Variants in IQSEC1 observed in about 807,000 individuals in gnomAD.
IQSEC1 encodes IQ motif and Sec7 domain ArfGEF 1.
In IQSEC1, 31 loss-of-function variants were observed where a neutral mutation model predicts 91.0. The observed-to-expected ratio is 0.34, with a 90% CI of 0.26 to 0.46. The LOEUF is 0.46. IQSEC1 is among the 20% of genes least tolerant of loss of function. IQSEC1 has a pLI of 1.00. For missense variants in IQSEC1, 1,388 were observed against 1,575.6 expected (o/e 0.88, Z 2.02); for synonymous variants, 699 against 662.6 (o/e 1.05, Z -0.84).
In IQSEC1 at chr3:13,205,916, A is replaced by T. The variant is rs375724300; in HGVS notation, c.273-41783T>A. Reference sequence around the variant, plus strand: ...TCCCCCATCCCCCATCCATCCAGCCATCCATCCCTCAATCCACTTATCCAT... The same window carrying T: ...TCCCCCATCCCCCATCCATCCAGCCTTCCATCCCTCAATCCACTTATCCAT... On this transcript the variant is annotated intron_variant, in intron 1 of 15. Coordinates refer to the IQSEC1 transcript ENST00000648114. Among the ~76,000 whole-genome samples the T allele has an allele frequency of 4.0e-4, 29 of 72,788 alleles. 2 individuals carry two copies. The highest frequency in any genetic ancestry group is 2.1e-3 in the Admixed American group (12 of 5,714). 47.8% of individuals were successfully genotyped at this position (72,788 alleles called of 152,430 possible). A position where few individuals can be genotyped will look rare whatever the true frequency, so the allele number is the denominator to read the frequency against.
At chr3:13,258,502 T>G (rs1695329068) in intron 1 of IQSEC1, among the ~76,000 whole-genome samples, 1 of 151,998 alleles carries the variant, frequency 6.6e-6, no homozygotes. Context: ...GGCAACATAG[T>G]GAGATCCCAT....
intron 1 of IQSEC1, among the ~76,000 whole-genome samples, chr3:13,041,355 C>T (rs1445855374): frequency 3.3e-5 from 5 of 152,176 alleles, no homozygotes; most frequent in Non-Finnish European, 5.9e-5. Context: ...CAGGGACTTC[C>T]TTTCTACAGC....
intron 2 of IQSEC1, among the ~76,000 whole-genome samples, chr3:13,158,899 T>C (rs1707124369): frequency 6.6e-6 from 1 of 151,778 alleles, no homozygotes; most frequent in Non-Finnish European, 1.5e-5. Context: ...GAGGCGGAGG[T>C]TGCAGTGAGC....
At chr3:12,930,918 C>G (rs1697615706) in intron 3 of IQSEC1, among the ~76,000 whole-genome samples, 1 of 152,132 alleles carries the variant, frequency 6.6e-6, no homozygotes, top group African/African-American at 2.4e-5. Flanking sequence ...TGAAAATGCC[C>G]TTCCAATGCA....
At chr3:12,929,568 G>A (rs11925113) in intron 3 of IQSEC1, among the ~76,000 whole-genome samples, 1,790 of 152,280 alleles carry the variant, frequency 0.012, 36 homozygotes, top group African/African-American at 0.041. Context: ...TATAATCCAC[G>A]CTTCTGCCCC....
At chr3:12,919,564 ATAAAC>A (rs1461042014) in intron 6 of IQSEC1, among the ~76,000 whole-genome samples, 1 of 152,238 alleles carries the variant, frequency 6.6e-6, no homozygotes, top group African/African-American at 2.4e-5. Flanking sequence ...CCGCTGTTGA[ATAAAC>A]TAAGAATGAA....
At chr3:12,943,327 G>T (rs968160006) in intron 1 of IQSEC1, among the ~76,000 whole-genome samples, 1 of 152,236 alleles carries the variant, frequency 6.6e-6, no homozygotes, top group African/African-American at 2.4e-5. Context: ...GGGCTGACGA[G>T]CTCATCCCGA....
chr3:13,226,934 C>G (rs368617272), intron 1 of IQSEC1, among the ~76,000 whole-genome samples: 37 of 152,290 alleles, frequency 2.4e-4, no homozygotes, highest in African/African-American at 8.7e-4. Context: ...CTTCTCCGCA[C>G]ACCCAGCAGA....
chr3:13,013,264 G>A (rs1241363355), intron 1 of IQSEC1, among the ~76,000 whole-genome samples: 2 of 152,224 alleles, frequency 1.3e-5, no homozygotes, highest in Middle Eastern at 3.4e-3. Flanking sequence ...CCCCAGGCCC[G>A]GCTGATAGCC....
chr3:12,953,950 A>C (rs1477023403), intron 1 of IQSEC1, among the ~76,000 whole-genome samples: 1 of 152,208 alleles, frequency 6.6e-6, no homozygotes, highest in Admixed American at 6.5e-5. Context: ...GCCATGCCTA[A>C]TTAGAGGGTA....
rs1287863390 is a variant in IQSEC1 at position 12,899,136 on chromosome 3, G to A, written c.*1847C>T. 7 of 540,306 alleles carry A rather than the reference G, an allele frequency of 1.3e-5. No homozygotes were observed. Among genetic ancestry groups the A allele is most frequent in the East Asian group, 3.0e-5 (1 of 33,748 alleles). 33.5% of individuals were successfully genotyped at this position (540,306 alleles called of 1,614,324 possible). On this transcript the variant is annotated 3_prime_UTR_variant, in exon 14 of 14. Transcript: ENST00000613206. ...GCTTGGTTTGCAGATTTGCTGGTACGGTGATCTCAATGATATGACCGAGGG... is the reference window on the plus strand; with the variant it reads ...GCTTGGTTTGCAGATTTGCTGGTACAGTGATCTCAATGATATGACCGAGGG...
intron 1 of IQSEC1, among the ~76,000 whole-genome samples, chr3:13,042,863 G>T (rs1704335502): frequency 6.6e-6 from 1 of 152,222 alleles, no homozygotes; most frequent in Non-Finnish European, 1.5e-5. Context: ...GGAAGACCCA[G>T]GGAGAGCAGG....
At chr3:13,118,673 T>C (rs1457371004) in intron 2 of IQSEC1, among the ~76,000 whole-genome samples, 1 of 152,198 alleles carries the variant, frequency 6.6e-6, no homozygotes, top group Admixed American at 6.5e-5. Context: ...TAGAAAGTTA[T>C]TGTTTAATGG....
Position 13,214,057 on chromosome 3 carries a change from T to C in IQSEC1, c.273-49924A>G, listed in dbSNP as rs543705477. Among the ~76,000 whole-genome samples, 1 of 152,260 alleles carries C rather than the reference T, an allele frequency of 6.6e-6. No individual in the cohort carries two copies. The highest frequency in any genetic ancestry group is 1.9e-4 in the East Asian group (1 of 5,180). ...CCGGCTCCTTCCTCTGATAGGCCTG[T>C]CCCCTGTGTCCCTGTCCACTGTGCT... On this transcript the variant is annotated intron_variant, in intron 1 of 15. Transcript: ENST00000648114. This position sits in a 1 kb window ranked among gnomAD's most constrained non-coding sequence, Gnocchi z 4.5.
At chr3:12,968,270 C>G (rs1463552263) in intron 1 of IQSEC1, among the ~76,000 whole-genome samples, 1 of 152,164 alleles carries the variant, frequency 6.6e-6, no homozygotes, top group African/African-American at 2.4e-5. Context: ...GGAATGGGCC[C>G]TATCCTGAGG....
At chr3:12,980,956 T>C (rs938167929) in intron 1 of IQSEC1, among the ~76,000 whole-genome samples, 4 of 152,242 alleles carry the variant, frequency 2.6e-5, no homozygotes, top group Non-Finnish European at 4.4e-5. Context: ...TCCTTCCCTC[T>C]GCACTTTGGT....
chr3:12,939,002 C>T (rs967292511), intron 2 of IQSEC1, among the ~76,000 whole-genome samples: 2 of 152,192 alleles, frequency 1.3e-5, no homozygotes, highest in African/African-American at 4.8e-5. Context: ...TTGCCAGGCC[C>T]GGTCGAAAAG....
chr3:13,219,311 G>A (rs1308795259), intron 1 of IQSEC1, among the ~76,000 whole-genome samples: 1 of 152,310 alleles, frequency 6.6e-6, no homozygotes, highest in South Asian at 2.1e-4. Context: ...TCCAGAACTG[G>A]CCCTTCACTG....
intron 1 of IQSEC1, among the ~76,000 whole-genome samples, chr3:13,000,939 C>CCCAAAAAA (rs1226188824): frequency 2.8e-5 from 4 of 142,672 alleles, no homozygotes; most frequent in Non-Finnish European, 6.0e-5. Context: ...GTGACTTACC[C>CCCAAAAAA]AAGTGAGTCT....
Sources: gnomAD v4.1 joint callset for allele counts (sites outside exome capture counted in the v4.1 genomes callset) on GRCh38, gnomAD v4.1.1 for gene constraint, Gnocchi (gnomAD v3.1) non-coding constraint, MANE v1.5 for transcripts, NCBI Gene and HGNC (gene_info 2026-07-23, HGNC 2026-07-21) for gene names.